TACC1: variants seen among roughly 807,000 people sequenced by gnomAD.
The protein encoded by TACC1 is transforming acidic coiled-coil containing protein 1.
A neutral mutation model predicts 84.4 loss-of-function variants in TACC1; 48 were observed. The observed-to-expected ratio is 0.57, with a 90% CI of 0.45 to 0.72. The LOEUF (loss-of-function observed/expected upper bound fraction) is 0.72, where lower values mean the gene tolerates loss of function less well. Ranked by LOEUF, TACC1 falls within the 30% of genes least tolerant of loss-of-function variation. The pLI is 0.00. For missense variants in TACC1, 920 were observed against 973.0 expected (o/e 0.95, Z 0.72); for synonymous variants, 372 against 376.3 (o/e 0.99, Z 0.13).
At chr8:38,815,625 G>A (rs1825260148) in intron 2 of TACC1, among the ~76,000 whole-genome samples, 1 of 152,034 alleles carries the variant, frequency 6.6e-6, no homozygotes, top group Admixed American at 6.5e-5. Flanking sequence ...CACCATGTTG[G>A]CCAGGCTGGT....
At chr8:38,770,566 CCGCGCCTCCTTTGTATGTCA>C (rs998525816) in intron 3 of TACC1, among the ~76,000 whole-genome samples, 4 of 152,216 alleles carry the variant, frequency 2.6e-5, no homozygotes, top group African/African-American at 7.2e-5. Flanking sequence ...GCGGTCTGCG[CCGCGCCTCCTTTGTATGTCA>C]CGCTCAGAGA....
At chr8:38,743,152 G>T (rs1807399043) in intron 2 of TACC1, among the ~76,000 whole-genome samples, 1 of 152,110 alleles carries the variant, frequency 6.6e-6, no homozygotes, top group Admixed American at 6.5e-5. Flanking sequence ...ATAATGTCAG[G>T]TGGGTTAGGG....
At chr8:38,744,569 T>G (rs1807705577) in intron 2 of TACC1, among the ~76,000 whole-genome samples, 1 of 152,150 alleles carries the variant, frequency 6.6e-6, no homozygotes, top group African/African-American at 2.4e-5. Context: ...TTTGTTTTAC[T>G]TAGAGAGAAA....
chr8:38,816,137 G>A (rs1354978362), intron 2 of TACC1, among the ~76,000 whole-genome samples: 1 of 151,986 alleles, frequency 6.6e-6, no homozygotes, highest in Non-Finnish European at 1.5e-5. Context: ...AGGAGCAGAG[G>A]GGAATTTGTG....
upstream of TACC1, among the ~76,000 whole-genome samples, chr8:38,783,967 A>T (rs1816643525): frequency 6.6e-6 from 1 of 152,182 alleles, no homozygotes; most frequent in Non-Finnish European, 1.5e-5. Flanking sequence ...AGATGCTGTT[A>T]TTGGCAATGT....
intron 1 of TACC1, among the ~76,000 whole-genome samples, chr8:38,736,990 G>C (rs1414748693): frequency 6.6e-6 from 1 of 152,182 alleles, no homozygotes; most frequent in Non-Finnish European, 1.5e-5. Context: ...GAAGGGCCCA[G>C]CGTGGGGACA....
Position 38,828,617 on chromosome 8 carries a change from C to G in TACC1, c.1660+1242C>G, listed in dbSNP as rs74337082. 1.6e-4 allele frequency among the ~76,000 whole-genome samples: 25 copies of G among 152,192 alleles called. No individual in the cohort carries two copies. In the East Asian group the frequency reaches 4.6e-3, roughly 28 times the overall value. ...TTCAGGATAAGGACATTGTTTTTCT[C>G]TGTGTACAGGGAGGACCCCTCTTGT... On this transcript the variant is annotated intron_variant, in intron 5 of 12. Transcript: ENST00000317827.
At chr8:38,801,744 T>G (rs1325205004) in intron 2 of TACC1, among the ~76,000 whole-genome samples, 1 of 152,246 alleles carries the variant, frequency 6.6e-6, no homozygotes, top group Non-Finnish European at 1.5e-5. Flanking sequence ...AGTCTGTTAA[T>G]TTTTGCAAAG....
chr8:38,804,139 G>T (rs922971945), intron 2 of TACC1, among the ~76,000 whole-genome samples: 1 of 152,106 alleles, frequency 6.6e-6, no homozygotes, highest in Non-Finnish European at 1.5e-5. Context: ...GTTAGGTAAT[G>T]TTTATGGAAG....
chr8:38,777,860 G>A (rs761629187), intron 3 of TACC1, among the ~76,000 whole-genome samples: 4 of 152,202 alleles, frequency 2.6e-5, no homozygotes, highest in South Asian at 2.1e-4. Flanking sequence ...TCCCATGGGT[G>A]AGAACTGAGT....
chr8:38,734,950 T>C (rs1010752777), intron 1 of TACC1, among the ~76,000 whole-genome samples: 1 of 152,252 alleles, frequency 6.6e-6, no homozygotes, highest in Non-Finnish European at 1.5e-5. Flanking sequence ...AGCACACTTG[T>C]GTGTGTCTGC....
chr8:38,833,813 AAAG>A, intron 6 of TACC1, among the ~76,000 whole-genome samples: 1 of 152,320 alleles, frequency 6.6e-6, no homozygotes, highest in East Asian at 1.9e-4. Flanking sequence ...TCTGTTTCCT[AAAG>A]TTGACTTAAC....
intron 2 of TACC1, among the ~76,000 whole-genome samples, chr8:38,811,379 T>G (rs1824093145): frequency 6.6e-6 from 1 of 152,182 alleles, no homozygotes; most frequent in South Asian, 2.1e-4. Flanking sequence ...GTATCCAGCT[T>G]ATCACCCAGC....
chr8:38,788,550 C>T, intron 1 of TACC1, 154 bp from the exon 2 acceptor site: 2 of 591,080 alleles, frequency 3.4e-6, no homozygotes, highest in Non-Finnish European at 6.1e-6. Context: ...TCAGAGACCG[C>T]AGTTGCCTCC....
chr8:38,843,971 A>T (rs1163521122), intron 11 of TACC1, among the ~76,000 whole-genome samples: 2 of 151,360 alleles, frequency 1.3e-5, no homozygotes, highest in Non-Finnish European at 2.9e-5. Flanking sequence ...ATATGAATTT[A>T]TAATTATAAG....
At chr8:38,729,383 C>G (rs1804467078) in intron 1 of TACC1, among the ~76,000 whole-genome samples, 1 of 152,198 alleles carries the variant, frequency 6.6e-6, no homozygotes. Flanking sequence ...TACCCAGGAG[C>G]CTGCGTGTAG....
chr8:38,757,155 T>G (rs1043959185), intron 3 of TACC1: 5 of 781,090 alleles, frequency 6.4e-6, no homozygotes, highest in Non-Finnish European at 8.3e-6. Flanking sequence ...GTTGGCGGCA[T>G]CTGAAGCCAC....
chr8:38,740,073 G>A (rs115505628), intron 1 of TACC1, among the ~76,000 whole-genome samples: 305 of 152,356 alleles, frequency 2.0e-3, no homozygotes, highest in African/African-American at 6.9e-3. Flanking sequence ...ATTCCTTGAA[G>A]CTGGGTTGCT....
At chr8:38,731,538 A>G (rs1344545065) in intron 1 of TACC1, among the ~76,000 whole-genome samples, 1 of 152,208 alleles carries the variant, frequency 6.6e-6, no homozygotes, top group Non-Finnish European at 1.5e-5. Flanking sequence ...TAACCCAAGG[A>G]AAAGTAGTTT....
Sources: gnomAD v4.1 joint callset for allele counts (sites outside exome capture counted in the v4.1 genomes callset) on GRCh38, gnomAD v4.1.1 for gene constraint, MANE v1.5 for transcripts, NCBI Gene and HGNC (gene_info 2026-07-23, HGNC 2026-07-21) for gene names.